The following SLC38A4 variants were observed in gnomAD, a reference collection of about 807,000 sequenced individuals.
The protein encoded by SLC38A4 is sodium-coupled neutral amino acid transporter 4.
In SLC38A4, 20 loss-of-function variants were observed where a neutral mutation model predicts 63.1. The observed-to-expected ratio is 0.32, with a 90% CI of 0.22 to 0.46. SLC38A4 has a LOEUF of 0.46. Ranked by LOEUF, SLC38A4 falls within the 20% of genes least tolerant of loss-of-function variation. The probability of loss-of-function intolerance (pLI) is 1.00; values close to 1 mark genes in which losing one functional copy is unlikely to be tolerated. For missense variants in SLC38A4, 526 were observed against 663.6 expected (o/e 0.79, Z 2.28); for synonymous variants, 230 against 225.5 (o/e 1.02, Z -0.18).
chr12:46,774,925 AAATAATATCCTCAGGC>A, intron 14 of SLC38A4, 108 bp downstream of exon 14: 1 of 1,128,028 alleles, frequency 8.9e-7, no homozygotes, highest in South Asian at 1.9e-5. Context: ...TGCTATAGGA[AAATAATATCCTCAGGC>A]ATTGCAATTG....
rs1938266432 is a variant in SLC38A4, at chr12:46,764,953, C to T, written c.*1748G>A. 6.6e-6 allele frequency: 1 copy of T among 152,368 alleles called. No homozygotes were observed. Among genetic ancestry groups the T allele is most frequent in the Admixed American group, 6.6e-5 (1 of 15,254 alleles). 9.4% of individuals were successfully genotyped at this position (152,368 alleles called of 1,614,324 possible). A position where few individuals can be genotyped will look rare whatever the true frequency, so the allele number is the denominator to read the frequency against. ...CCTGCAGTATATATGAATTTTAATC[C>T]TGGTTATGAAGAAAAAAATGGTGCT... On this transcript the variant is annotated 3_prime_UTR_variant, in exon 17 of 17. Transcript: ENST00000266579.
chr12:46,788,020 G>A lies in SLC38A4; in HGVS notation c.222C>T (p.Thr74=), dbSNP rs150605276. Residue 74 remains threonine (T), a synonymous_variant, in exon 5 of 17, where the codon ACC becomes ACT. Transcript: ENST00000266579. ...ADYADEHHPG[T]TSFGMSSFNL... Reference sequence around the variant, plus strand: ...TAAATGAAGACATTCCAAAGGAAGTGGTTCCGGGATGCTTGAAAAAGAAGG... The same window carrying A: ...TAAATGAAGACATTCCAAAGGAAGTAGTTCCGGGATGCTTGAAAAAGAAGG... 10 of 1,613,408 alleles carry A rather than the reference G, an allele frequency of 6.2e-6. No homozygotes were observed. The African/African-American group carries it at 1.3e-4, about 22-fold the overall frequency.
chr12:46,808,961 T>C (rs1939288834), intron 1 of SLC38A4, among the ~76,000 whole-genome samples: 1 of 152,066 alleles, frequency 6.6e-6, no homozygotes, highest in East Asian at 1.9e-4. Flanking sequence ...CTCTAGTTCA[T>C]AGCAATTGAT....
intron 7 of SLC38A4, among the ~76,000 whole-genome samples, chr12:46,784,177 C>T (rs1055575661): frequency 4.0e-5 from 6 of 151,672 alleles, no homozygotes; most frequent in East Asian, 1.9e-4. Flanking sequence ...TTTAGTAAAT[C>T]GAACTCAGTC....
chr12:46,831,101 G>T (rs572081068), intron 1 of SLC38A4, among the ~76,000 whole-genome samples: 1 of 152,308 alleles, frequency 6.6e-6, no homozygotes, highest in East Asian at 1.9e-4. Flanking sequence ...ATCTCTGCCT[G>T]CTGGATCACA....
At chr12:46,810,408 G>A (rs1215061655) in intron 1 of SLC38A4, among the ~76,000 whole-genome samples, 3 of 151,760 alleles carry the variant, frequency 2.0e-5, no homozygotes, top group Non-Finnish European at 4.4e-5. Context: ...GGCTAGGGGA[G>A]GGATAATTAC....
intron 2 of SLC38A4, among the ~76,000 whole-genome samples, chr12:46,798,312 C>G (rs538322299): frequency 6.6e-6 from 1 of 152,130 alleles, no homozygotes. Context: ...GTCTCATCTC[C>G]GTCCACACTC....
rs769493355 is a variant in SLC38A4, at chr12:46,779,820, A to G, written c.618T>C (p.Ser206=). Reference sequence around the variant, plus strand: ...GCGAAAGTGGAAGAATAATTCCAACAGACACAAATATGATGAGGTAGTTGC... The same window carrying G: ...GCGAAAGTGGAAGAATAATTCCAACGGACACAAATATGATGAGGTAGTTGC... ...LNGNYLIIFV[S]VGIILPLSLL... is the part of the protein sequence containing the mutation. Residue 206 remains serine (S), a synonymous_variant, in exon 9 of 17, where the codon TCT becomes TCC. Transcript: ENST00000266579. The G allele has an allele frequency of 1.6e-5, 25 of 1,612,036 alleles. No individual in the cohort carries two copies. The highest frequency in any genetic ancestry group is 2.0e-5 in the Non-Finnish European group (24 of 1,179,006).
chr12:46,771,211 T>C (rs569379174), intron 14 of SLC38A4, among the ~76,000 whole-genome samples: 1 of 152,272 alleles, frequency 6.6e-6, no homozygotes, highest in East Asian at 1.9e-4. Context: ...TGATCTGCAA[T>C]TAGTGCTTAT....
chr12:46,800,673 CTT>C (rs1432365713), intron 2 of SLC38A4, among the ~76,000 whole-genome samples: 1 of 152,056 alleles, frequency 6.6e-6, no homozygotes, highest in Non-Finnish European at 1.5e-5. Flanking sequence ...CTTACTTACT[CTT>C]TTAGTTGCCT....
At chr12:46,818,587 A>G (rs11183620) in intron 1 of SLC38A4, among the ~76,000 whole-genome samples, 62,927 of 151,488 alleles carry the variant, frequency 0.42, 15,023 homozygotes, top group Non-Finnish European at 0.53. Flanking sequence ...AGTAGATGGA[A>G]TAATATAAGG....
Position 46,769,294 on chromosome 12 carries a change from G to A in SLC38A4, c.1434C>T (p.Phe478=), listed in dbSNP as rs139504322. ...CTTTCTGAAACTCACCTATGAATCC[G>A]AAGATGTATTTTATAGTTGGCACAA... ...VILVPTIKYI[F]GFIGASSATM... is the part of the protein sequence containing the mutation. The change falls in exon 15 of 17, where the codon TTC becomes TTT. Residue 478 remains phenylalanine, a synonymous_variant. Coordinates refer to ENST00000266579, the MANE Select transcript of SLC38A4 (RefSeq NM_018018.5). 60 of 1,613,006 alleles carry A rather than the reference G, an allele frequency of 3.7e-5. No homozygotes were observed. Among genetic ancestry groups the A allele is most frequent in the Middle Eastern group, 3.3e-4 (2 of 6,054 alleles).
At chr12:46,790,408 C>T (rs1465485566) in intron 3 of SLC38A4, among the ~76,000 whole-genome samples, 1 of 152,034 alleles carries the variant, frequency 6.6e-6, no homozygotes, top group Non-Finnish European at 1.5e-5. Flanking sequence ...TTCCATTCAC[C>T]CCCCACCCAC....
intron 14 of SLC38A4, among the ~76,000 whole-genome samples, chr12:46,773,023 T>A (rs1389106398): frequency 1.3e-5 from 2 of 152,040 alleles, no homozygotes; most frequent in East Asian, 3.9e-4. Context: ...ATAACAACTT[T>A]TATCATTTTA....
chr12:46,782,762 C>T (rs772460946), intron 7 of SLC38A4, among the ~76,000 whole-genome samples: 5 of 150,898 alleles, frequency 3.3e-5, no homozygotes, highest in Non-Finnish European at 7.4e-5. Context: ...TCACAATAGC[C>T]TTTGTAAGGT....
Position 46,779,949 on chromosome 12 carries a change from C to G in SLC38A4, c.575G>C (p.Gly192Ala). The G allele has an allele frequency of 6.2e-7, 1 of 1,611,330 alleles. No homozygotes were observed. The highest frequency in any genetic ancestry group is 8.5e-7 in the Non-Finnish European group (1 of 1,178,198). Reference protein sequence around the residue: ...RAFMGLEENTGEWYLNGNYLI... With the variant: ...RAFMGLEENTAEWYLNGNYLI... ...GTCACAGAGGGAGCATAAGACATACCCAGTATTTTCTTCAAGTCCCATGAA... is the reference window on the plus strand; with the variant it reads ...GTCACAGAGGGAGCATAAGACATACGCAGTATTTTCTTCAAGTCCCATGAA... The change falls in exon 8 of 17, where the codon GGA becomes GCA. Residue 192 changes from glycine to alanine, a missense_variant and splice_region_variant. Physicochemically the swap from Gly to Ala is moderately conservative, Grantham distance 60. Transcript: ENST00000266579.
chr12:46,794,990 G>GA (rs369351046), intron 2 of SLC38A4, among the ~76,000 whole-genome samples: 3,056 of 146,480 alleles, frequency 0.021, 48 homozygotes, highest in Middle Eastern at 0.045. Context: ...ATGGGTAAAA[G>GA]AAAAAAAAAA....
chr12:46,821,247 A>G (rs1303298300), intron 1 of SLC38A4, among the ~76,000 whole-genome samples: 5 of 152,016 alleles, frequency 3.3e-5, no homozygotes, highest in Non-Finnish European at 7.4e-5. Flanking sequence ...GACCAATGTT[A>G]AAAAGTTTTT....
intron 14 of SLC38A4, among the ~76,000 whole-genome samples, chr12:46,772,659 C>A (rs1199641829): frequency 6.6e-6 from 1 of 151,822 alleles, no homozygotes. Context: ...TTACTATGCA[C>A]CTTTTACTAA....
Sources: allele counts gnomAD v4.1 joint callset (sites outside exome capture counted in the v4.1 genomes callset), GRCh38; gene constraint gnomAD v4.1.1; transcripts MANE v1.5; gene names NCBI Gene and HGNC (gene_info 2026-07-23, HGNC 2026-07-21).